The following MTFR1L variants were observed in gnomAD, a reference collection of about 807,000 sequenced individuals.
MTFR1L encodes mitochondrial fission regulator 1 like.
In MTFR1L, 10 loss-of-function variants were observed where a neutral mutation model predicts 27.9. That is an observed-to-expected ratio of 0.36 (90% CI 0.22 to 0.61). The LOEUF (loss-of-function observed/expected upper bound fraction) is 0.61. Among genes scored for constraint, MTFR1L ranks in the 20% least tolerant of loss-of-function variants. MTFR1L has a pLI of 0.73. For missense variants in MTFR1L, 315 were observed against 363.7 expected, an observed-to-expected ratio of 0.87 and a Z score of 1.09; for synonymous variants, 151 against 139.4, an observed-to-expected ratio of 1.08 and a Z score of -0.58.
intron 6 of MTFR1L, among the ~76,000 whole-genome samples, chr1:25,831,409 G>A (rs1197242423): frequency 6.6e-6 from 1 of 152,064 alleles, no homozygotes; most frequent in African/African-American, 2.4e-5. Context: ...TCTAATTCTG[G>A]CTCTCATAAA....
chr1:25,820,364 G>A (rs962700673), intron 1 of MTFR1L: 1 of 455,516 alleles, frequency 2.2e-6, no homozygotes, highest in Non-Finnish European at 4.4e-6. Flanking sequence ...GGGTCCTGTG[G>A]GTCCAAGGGC....
chr1:25,826,638 A>G lies in MTFR1L; in HGVS notation c.263A>G (p.His88Arg), dbSNP rs1232573970. Residue 88 changes from histidine to arginine, a missense_variant, in exon 5 of 7, where the codon CAC (histidine) becomes CGC (arginine). Transcript: ENST00000374303. The surrounding 1 kb of genome is among the most constrained non-coding windows in gnomAD (Gnocchi z 4.1). ...AGGAGTGATACGCGCCCCCTGAGGCACACCTGGAAACCCAGCCCTCTGATT... is the reference window on the plus strand; with the variant it reads ...AGGAGTGATACGCGCCCCCTGAGGCGCACCTGGAAACCCAGCCCTCTGATT... Reference protein sequence around the residue: ...RVRSDTRPLRHTWKPSPLIVM... With the variant: ...RVRSDTRPLRRTWKPSPLIVM... The G allele has an allele frequency of 1.2e-6, 2 of 1,614,188 alleles. No homozygotes were observed.
chr1:25,821,227 C>T (rs1361819205), intron 1 of MTFR1L, among the ~76,000 whole-genome samples: 1 of 152,176 alleles, frequency 6.6e-6, no homozygotes, highest in Non-Finnish European at 1.5e-5. Flanking sequence ...GGGAAGGATT[C>T]CTCTGGCTGT....
At position 25,832,199 on chromosome 1, in the gene MTFR1L, A is replaced by G. The variant is rs1430605105; in HGVS notation, c.*173A>G. ...TGGATTATATATTTCCCAGACTTCA[A>G]ACCCTAGCAGAAGCTAAGGCTTGTG... On this transcript the variant is annotated 3_prime_UTR_variant, in exon 7 of 7. Transcript: ENST00000374303. 1.3e-6 allele frequency: 2 copies of G among 1,530,602 alleles called. No individual in the cohort carries two copies. The highest frequency in any genetic ancestry group is 8.8e-7 in the Non-Finnish European group (1 of 1,140,706). The allele number at this position is 1,530,602 out of a possible 1,614,324, so 94.8% of individuals were successfully genotyped here.
chr1:25,825,992 C>T (rs1418315113), intron 3 of MTFR1L: 2 of 306,638 alleles, frequency 6.5e-6, no homozygotes, highest in African/African-American at 4.3e-5. Context: ...TACCACCATA[C>T]CCAGATAATT....
intron 1 of MTFR1L, chr1:25,821,608 A>G (rs973499523): frequency 3.3e-5 from 5 of 152,282 alleles, no homozygotes; most frequent in East Asian, 1.9e-4. Context: ...AGTCTAGTCT[A>G]TCTCCCATTC....
rs775499410 is a variant in MTFR1L at position 25,828,864 on chromosome 1, C to T, written c.452-645C>T. Among the ~76,000 whole-genome samples the T allele has an allele frequency of 4.6e-5, 7 of 152,224 alleles. No homozygotes were observed. In the South Asian group the frequency reaches 1.5e-3, roughly 32 times the overall value. ...AATCTTCATGTATTTAATTTCTTCA[C>T]ATGGAAGTTTTATGAAGAATTGTAC... On this transcript the variant is annotated intron_variant, in intron 5 of 6. Coordinates refer to ENST00000374303, the MANE Select transcript of MTFR1L (RefSeq NM_001099625.2).
Position 25,823,013 on chromosome 1 carries a change from C to T in MTFR1L, c.-86-6C>T, listed in dbSNP as rs749611859. The T allele has an allele frequency of 1.1e-5, 18 of 1,612,138 alleles. No individual in the cohort carries two copies. In the South Asian group the frequency reaches 2.0e-4, roughly 18 times the overall value. ...TTCACAAGAGGGAAATCTGGTGCTC[C>T]TCCAGATGGCCTGATATGAAGGAGT... On this transcript the variant is annotated splice_region_variant and splice_polypyrimidine_tract_variant and intron_variant, in intron 1 of 6. Transcript: ENST00000374303.
chr1:25,820,774 G>T (rs1451967923), intron 1 of MTFR1L: 2 of 438,958 alleles, frequency 4.6e-6, no homozygotes, highest in African/African-American at 4.2e-5. Flanking sequence ...TTAGTTCAGC[G>T]CGTTGAAGCG....
chr1:25,820,645 CTGCGGGGCG>C (rs777388229), intron 1 of MTFR1L: 1 of 415,552 alleles, frequency 2.4e-6, no homozygotes, highest in South Asian at 1.7e-5. Flanking sequence ...CTCCGGAGGG[CTGCGGGGCG>C]CAGAGGTGAC....
chr1:25,831,932 TATTGA>T lies in MTFR1L; in HGVS notation c.787_791del (p.Leu263GlyfsTer10). The T allele has an allele frequency of 6.2e-7, 1 of 1,614,182 alleles. No homozygotes were observed. Among genetic ancestry groups the T allele is most frequent in the South Asian group, 1.1e-5 (1 of 91,088 alleles). ...TATTGTGTCTCTAGGAACCGGAGTTTATTGAAGGAGGAAGACCCTGCTGTGCTTAT... is the reference window on the plus strand; with the variant it reads ...TATTGTGTCTCTAGGAACCGGAGTTTAGGAGGAAGACCCTGCTGTGCTTAT... On this transcript the variant is annotated frameshift_variant, in exon 7 of 7. Transcript: ENST00000374303. LOFTEE classifies it high-confidence loss of function.
chr1:25,832,433 G>A lies in MTFR1L; in HGVS notation c.*407G>A. ...CACTCAGCAGCTTCCTTGCAGCAGA[G>A]CAGGGCTGAGGGGAAGGGGCTATGA... On this transcript the variant is annotated 3_prime_UTR_variant, in exon 7 of 7. Transcript: ENST00000374303. The A allele has an allele frequency of 2.1e-6, 1 of 472,840 alleles. No individual in the cohort carries two copies. Among genetic ancestry groups the A allele is most frequent in the South Asian group, 2.3e-5 (1 of 43,954 alleles). The allele number at this position is 472,840 out of a possible 1,614,324, so 29.3% of individuals were successfully genotyped here.
chr1:25,829,904 C>G, intron 6 of MTFR1L, 74 bp downstream of exon 6: 1 of 1,262,366 alleles, frequency 7.9e-7, no homozygotes, highest in Non-Finnish European at 1.1e-6. Flanking sequence ...ATGCAACATA[C>G]TTACATAGTA....
chr1:25,822,735 C>T (rs1421441848), intron 1 of MTFR1L: 1 of 519,168 alleles, frequency 1.9e-6, no homozygotes, highest in African/African-American at 2.5e-5. Flanking sequence ...ACTGTGTTAG[C>T]CAGGATGGTC....
chr1:25,822,718 G>A lies in MTFR1L; in HGVS notation c.-86-301G>A, dbSNP rs1439840413. On this transcript the variant is annotated intron_variant, in intron 1 of 6. Coordinates refer to ENST00000374303, the MANE Select transcript of MTFR1L (RefSeq NM_001099625.2). ...ATTTTTTGTATTTTTAGTAGAGACAGGGCTTCACTGTGTTAGCCAGGATGG... is the reference window on the plus strand; with the variant it reads ...ATTTTTTGTATTTTTAGTAGAGACAAGGCTTCACTGTGTTAGCCAGGATGG... 234 of 459,206 alleles carry A rather than the reference G, an allele frequency of 5.1e-4. 15 individuals carry two copies. The African/African-American group carries it at 5.6e-3, about 11-fold the overall frequency. 28.4% of individuals were successfully genotyped at this position (459,206 alleles called of 1,614,324 possible).
intron 5 of MTFR1L, among the ~76,000 whole-genome samples, chr1:25,827,876 C>T (rs1468399179): frequency 6.6e-6 from 1 of 152,098 alleles, no homozygotes; most frequent in Non-Finnish European, 1.5e-5. Flanking sequence ...TAGGCGCATG[C>T]CACCATGCCC....
Position 25,826,483 on chromosome 1 carries a change from G to A in MTFR1L, c.239+72G>A, listed in dbSNP as rs1396079285. ...GAAGAGGTGGCAGGCAGCAAGGAGA[G>A]AGGAATGAGAACTGTGGGCTCAGAG... On this transcript the variant is annotated intron_variant, in intron 4 of 6. Transcript: ENST00000374303. This position sits in a 1 kb window ranked among gnomAD's most constrained non-coding sequence, Gnocchi z 4.1. 1.9e-5 allele frequency: 30 copies of A among 1,588,076 alleles called. No individual in the cohort carries two copies. The highest frequency in any genetic ancestry group is 2.6e-5 in the Non-Finnish European group (30 of 1,156,770).
intron 1 of MTFR1L, chr1:25,822,769 G>A (rs188942435): frequency 3.2e-5 from 18 of 563,348 alleles, no homozygotes; most frequent in Admixed American, 1.6e-4. Flanking sequence ...CTCGTGATCC[G>A]CCCACCTCGG....
At chr1:25,831,821 T>G in intron 6 of MTFR1L, 100 bp from the exon 7 acceptor site, 1 of 1,032,898 alleles carries the variant, frequency 9.7e-7, no homozygotes, top group Non-Finnish European at 1.5e-6. Context: ...GGCACCTACC[T>G]CGTAAGATTG....
Sources: gnomAD v4.1 joint callset for allele counts (sites outside exome capture counted in the v4.1 genomes callset) on GRCh38, gnomAD v4.1.1 for gene constraint, Gnocchi (gnomAD v3.1) non-coding constraint, MANE v1.5 for transcripts, NCBI Gene and HGNC (gene_info 2026-07-23, HGNC 2026-07-21) for gene names.